Variants in ANO2 observed in about 807,000 individuals in gnomAD.
ANO2 encodes anoctamin 2.
In ANO2, 101 loss-of-function variants were observed where a neutral mutation model predicts 124.2. That is an observed-to-expected ratio of 0.81 (90% confidence interval 0.69 to 0.96). ANO2 has a LOEUF of 0.96. Among genes scored for constraint, ANO2 ranks in the 40% least tolerant of loss-of-function variants. ANO2 has a pLI of 0.00. For synonymous variants in ANO2, 486 were observed against 482.5 expected (o/e 1.01, Z -0.09); for missense variants, 1,293 against 1,274.5 (o/e 1.01, Z -0.22).
intron 7 of ANO2, among the ~76,000 whole-genome samples, chr12:5,825,083 TC>T (rs1454186104): frequency 1.3e-5 from 2 of 152,134 alleles, no homozygotes; most frequent in East Asian, 3.9e-4. Context: ...TCAACTACCA[TC>T]CGTGGACTCA....
intron 10 of ANO2, among the ~76,000 whole-genome samples, chr12:5,779,931 AG>A (rs1952336075): frequency 6.6e-6 from 1 of 152,220 alleles, no homozygotes. Context: ...ATGTGAGCCT[AG>A]GTTGATTCTC....
chr12:5,863,419 G>C (rs935220689), intron 3 of ANO2, among the ~76,000 whole-genome samples: 1 of 152,212 alleles, frequency 6.6e-6, no homozygotes, highest in Admixed American at 6.5e-5. Flanking sequence ...ATGGGTTCTG[G>C]AGCCTGAGGA....
At chr12:5,932,301 A>G (rs1942438628) in intron 1 of ANO2, among the ~76,000 whole-genome samples, 1 of 151,482 alleles carries the variant, frequency 6.6e-6, no homozygotes, top group Non-Finnish European at 1.5e-5. Context: ...TAAGGAAAGA[A>G]GGCAGACGAG....
intron 6 of ANO2, among the ~76,000 whole-genome samples, chr12:5,828,411 CG>C (rs1218638134): frequency 2.0e-5 from 3 of 152,186 alleles, no homozygotes; most frequent in Admixed American, 6.5e-5. Context: ...CCCACCTGCT[CG>C]GGGACGCCAG....
At chr12:5,869,913 C>A (rs1955526413) in intron 3 of ANO2, among the ~76,000 whole-genome samples, 1 of 152,122 alleles carries the variant, frequency 6.6e-6, no homozygotes, top group South Asian at 2.1e-4. Context: ...GCTTACCTGG[C>A]CCTAGGAAGA....
At chr12:5,753,426 C>G (rs996813441) in intron 10 of ANO2, among the ~76,000 whole-genome samples, 8 of 152,162 alleles carry the variant, frequency 5.3e-5, no homozygotes, top group Admixed American at 2.0e-4. Flanking sequence ...CTGTAGCTGT[C>G]TGCTTAGGAA....
chr12:5,694,960 G>A (rs1468421031), intron 14 of ANO2, among the ~76,000 whole-genome samples: 1 of 152,148 alleles, frequency 6.6e-6, no homozygotes, highest in Non-Finnish European at 1.5e-5. Flanking sequence ...GACCTGGTAT[G>A]AAGATGAAGT....
intron 19 of ANO2, among the ~76,000 whole-genome samples, chr12:5,608,557 C>T (rs1247284368): frequency 1.3e-5 from 2 of 151,942 alleles, no homozygotes; most frequent in South Asian, 2.1e-4. Context: ...CTTGAAGACA[C>T]CTTACATATG....
At chr12:5,762,884 A>G (rs1435874235) in intron 10 of ANO2, among the ~76,000 whole-genome samples, 1 of 151,986 alleles carries the variant, frequency 6.6e-6, no homozygotes, top group African/African-American at 2.4e-5. Context: ...TCTTACCAAA[A>G]TAATTTATTG....
rs11063766 is a variant in ANO2 at position 5,583,217 on chromosome 12, A to G, written c.2234-4699T>C. 2.4e-4 allele frequency among the ~76,000 whole-genome samples: 37 copies of G among 152,340 alleles called. No individual in the cohort carries two copies. In the East Asian group the frequency reaches 5.0e-3, roughly 21 times the overall value. ...GAGCACTGCACTTGCTGATGGTGAA[A>G]AGAGAGGTAGACATGAAGTATGAAC... On this transcript the variant is annotated intron_variant, in intron 20 of 24. Transcript: ENST00000682330.
rs193012044 is a variant in ANO2 at position 5,918,656 on chromosome 12, G to T, written c.534+2384C>A. Among the ~76,000 whole-genome samples, 246 of 152,084 alleles carry T rather than the reference G, an allele frequency of 1.6e-3. 3 individuals carry two copies. Among genetic ancestry groups the T allele is most frequent in the African/African-American group, 5.4e-3 (222 of 41,488 alleles). The stretch of plus-strand genomic sequence containing the variant: ...GTGTTTCACCATATTGGCCAGGCTG[G>T]TCTTGATCTCTTGACCTCATAATCC... On this transcript the variant is annotated intron_variant, in intron 3 of 24. Coordinates refer to ENST00000682330, the MANE Select transcript of ANO2 (RefSeq NM_001364791.2).
At chr12:5,812,455 GAAGA>G (rs1241705281) in intron 7 of ANO2, among the ~76,000 whole-genome samples, 1 of 103,172 alleles carries the variant, frequency 9.7e-6, no homozygotes, top group Non-Finnish European at 1.9e-5. Flanking sequence ...AGGAAGAAAG[GAAGA>G]AAGGAAGGAA....
At chr12:5,753,940 G>A (rs1951506813) in intron 10 of ANO2, among the ~76,000 whole-genome samples, 1 of 152,130 alleles carries the variant, frequency 6.6e-6, no homozygotes, top group South Asian at 2.1e-4. Context: ...GGTAAGAATG[G>A]GCATTTTTGC....
rs189173768 is a variant in ANO2, at chr12:5,716,666, T to C, written c.1545+15854A>G. Reference sequence around the variant, plus strand: ...GAGAAAATTTATGTAAGCTGGCCGATAGACCATGCACCATTATAATAAAAA... The same window carrying C: ...GAGAAAATTTATGTAAGCTGGCCGACAGACCATGCACCATTATAATAAAAA... On this transcript the variant is annotated intron_variant, in intron 14 of 24. Coordinates refer to ENST00000682330, the MANE Select transcript of ANO2 (RefSeq NM_001364791.2). 6.6e-5 allele frequency among the ~76,000 whole-genome samples: 10 copies of C among 152,316 alleles called. No homozygotes were observed. In the East Asian group the frequency reaches 1.5e-3, roughly 23 times the overall value.
At position 5,806,101 on chromosome 12, in the gene ANO2, G is replaced by C; in HGVS notation, c.949-8C>G. 1 of 1,612,592 alleles carries C rather than the reference G, an allele frequency of 6.2e-7. No homozygotes were observed. Among genetic ancestry groups the C allele is most frequent in the African/African-American group, 1.3e-5 (1 of 74,954 alleles). ...TGGACTATCGTATTCACCCTGTGGA[G>C]AAAAAGTGATGCTGGATAAAGCCAA... is the stretch of plus-strand genomic sequence containing the variant. On this transcript the variant is annotated splice_region_variant and splice_polypyrimidine_tract_variant and intron_variant, in intron 8 of 24. Transcript: ENST00000682330.
At chr12:5,578,028 C>T (rs776605645) in intron 21 of ANO2, 21 bp from the exon 22 acceptor site, 50 of 1,612,158 alleles carry the variant, frequency 3.1e-5, no homozygotes, top group Admixed American at 1.8e-4. Context: ...GAAAAGACAG[C>T]GTCTGGCTCA....
intron 4 of ANO2, among the ~76,000 whole-genome samples, chr12:5,834,638 G>A (rs1039234353): frequency 3.3e-5 from 5 of 152,172 alleles, no homozygotes; most frequent in African/African-American, 1.2e-4. Flanking sequence ...CATAACCACA[G>A]TTTATTTAGT....
At position 5,934,674 on chromosome 12, in the gene ANO2, A is replaced by G. The variant is rs76517905; in HGVS notation, c.22+10522T>C. On this transcript the variant is annotated intron_variant, in intron 1 of 24. Transcript: ENST00000682330. ...AGGAAGTAGCCAGTGTACAACATAA[A>G]ATTGGTCAAAACTGGTCTGTTGGCT... Among the ~76,000 whole-genome samples, 360 of 152,172 alleles carry G rather than the reference A, an allele frequency of 2.4e-3. 14 individuals carry two copies. The East Asian group carries it at 0.06, about 25-fold the overall frequency.
intron 16 of ANO2, among the ~76,000 whole-genome samples, chr12:5,630,148 C>T (rs1945640463): frequency 2.0e-5 from 3 of 152,336 alleles, no homozygotes; most frequent in Admixed American, 2.0e-4. Context: ...TGGGGACTTA[C>T]TGGGGTTATT....
Sources: allele counts gnomAD v4.1 joint callset (sites outside exome capture counted in the v4.1 genomes callset), GRCh38; gene constraint gnomAD v4.1.1; transcripts MANE v1.5; gene names NCBI Gene and HGNC (gene_info 2026-07-23, HGNC 2026-07-21).